Variants in KAZN observed in about 807,000 individuals in gnomAD.
KAZN encodes the protein kazrin, periplakin interacting protein.
In KAZN, 40 loss-of-function variants were observed where a neutral mutation model predicts 87.4. The observed-to-expected ratio is 0.46, with a 90% CI of 0.36 to 0.60. KAZN has a LOEUF of 0.60. Ranked by LOEUF, KAZN falls within the 20% of genes least tolerant of loss-of-function variation. The pLI is 0.00. For synonymous variants in KAZN, 466 were observed against 458.3 expected (o/e 1.02, Z -0.22); for missense variants, 898 against 1,073.9 (o/e 0.84, Z 2.29).
At chr1:15,022,906 A>G (rs1278591030) in intron 2 of KAZN, among the ~76,000 whole-genome samples, 1 of 152,180 alleles carries the variant, frequency 6.6e-6, no homozygotes, top group East Asian at 1.9e-4. Context: ...AGATTAGGAT[A>G]TTTGGAAATG....
At chr1:14,921,624 T>C (rs2101494315) in intron 1 of KAZN, among the ~76,000 whole-genome samples, 1 of 152,372 alleles carries the variant, frequency 6.6e-6, no homozygotes, top group Admixed American at 6.5e-5. Context: ...ACCAGCCTAA[T>C]GTCTCTCTGA....
At chr1:14,365,137 G>A (rs1659864413) in intron 2 of KAZN, among the ~76,000 whole-genome samples, 1 of 151,494 alleles carries the variant, frequency 6.6e-6, no homozygotes, top group Non-Finnish European at 1.5e-5. Context: ...TCCGCCTCCC[G>A]GGTTCAAGCC....
At chr1:14,182,072 CT>C (rs1646210655) in intron 2 of KAZN, among the ~76,000 whole-genome samples, 1 of 151,988 alleles carries the variant, frequency 6.6e-6, no homozygotes, top group Admixed American at 6.6e-5. Context: ...AGCCTTCATC[CT>C]TTGTGGTGTT....
chr1:14,394,436 A>T (rs1375810267), intron 2 of KAZN, among the ~76,000 whole-genome samples: 1 of 152,252 alleles, frequency 6.6e-6, no homozygotes, highest in African/African-American at 2.4e-5. Flanking sequence ...TGAAGGAAAC[A>T]ACTGAAAAGC....
At position 15,014,983 on chromosome 1, in the gene KAZN, TA is replaced by T. The variant is rs376220377; in HGVS notation, c.419-19762del. ...CTCTGTGCCTCAATTGTCCCTTCTA[TA>T]AAATGGGAATCATAGTAGTTAATAA... On this transcript the variant is annotated intron_variant, in intron 2 of 14. Transcript: ENST00000376030. Among the ~76,000 whole-genome samples the T allele has an allele frequency of 2.9e-4, 44 of 152,266 alleles. No homozygotes were observed. The East Asian group carries it at 7.7e-3, about 27-fold the overall frequency.
At chr1:14,041,634 G>T (rs1079990) in intron 1 of KAZN, among the ~76,000 whole-genome samples, 93,682 of 151,958 alleles carry the variant, frequency 0.62, 30,232 homozygotes, top group African/African-American at 0.8. Context: ...TTATCCTGGG[G>T]TCTCTCTTCC....
intron 1 of KAZN, among the ~76,000 whole-genome samples, chr1:14,035,094 G>A (rs991207576): frequency 1.3e-5 from 2 of 152,176 alleles, no homozygotes; most frequent in African/African-American, 4.8e-5. Flanking sequence ...GTCTTCTTTT[G>A]TTCATTCTAT....
At chr1:14,392,016 C>T (rs1323167038) in intron 2 of KAZN, among the ~76,000 whole-genome samples, 1 of 152,152 alleles carries the variant, frequency 6.6e-6, no homozygotes, top group Non-Finnish European at 1.5e-5. Flanking sequence ...ACTCTGGCAT[C>T]CAGGAATATG....
Position 14,016,337 on chromosome 1 carries a change from G to A in KAZN, c.91+122581G>A, listed in dbSNP as rs1001133352. ...TGGGTGATCTAATACTCACTTTTAT[G>A]GGTACAGGACTCTATGGCTTACAAA... On this transcript the variant is annotated intron_variant, in intron 1 of 16. Transcript: ENST00000636203. Among the ~76,000 whole-genome samples the A allele has an allele frequency of 2.6e-5, 4 of 152,254 alleles. No individual in the cohort carries two copies. In the East Asian group the frequency reaches 7.7e-4, roughly 29 times the overall value.
At chr1:14,116,288 A>G (rs2101687489) in intron 1 of KAZN, among the ~76,000 whole-genome samples, 1 of 152,250 alleles carries the variant, frequency 6.6e-6, no homozygotes, top group African/African-American at 2.4e-5. Context: ...CTAGGAGAAA[A>G]AAGTGGTTTT....
Position 14,942,663 on chromosome 1 carries a change from G to A in KAZN, c.227-18021G>A, listed in dbSNP as rs889890481. On this transcript the variant is annotated intron_variant, in intron 1 of 14. Transcript: ENST00000376030. ...TCTGGCCAGGAGACTGTAGTCCTAGGGGGTCTTTGGCTTGATGGAAGGACG... is the reference window on the plus strand; with the variant it reads ...TCTGGCCAGGAGACTGTAGTCCTAGAGGGTCTTTGGCTTGATGGAAGGACG... 3.9e-5 allele frequency among the ~76,000 whole-genome samples: 6 copies of A among 152,308 alleles called. No individual in the cohort carries two copies. In the East Asian group the frequency reaches 5.8e-4, roughly 15 times the overall value.
intron 2 of KAZN, among the ~76,000 whole-genome samples, chr1:14,543,185 A>C (rs1571898499): frequency 6.6e-6 from 1 of 152,318 alleles, no homozygotes; most frequent in Middle Eastern, 3.4e-3. Context: ...CTTTATCACA[A>C]ACAATGTGAC....
At chr1:13,948,290 C>G (rs1641218891) in intron 1 of KAZN, among the ~76,000 whole-genome samples, 1 of 152,148 alleles carries the variant, frequency 6.6e-6, no homozygotes, top group South Asian at 2.1e-4. Flanking sequence ...AAGGGCAGGA[C>G]CAGGTGGAGA....
chr1:14,052,147 C>T (rs1642367189), intron 1 of KAZN, among the ~76,000 whole-genome samples: 1 of 152,216 alleles, frequency 6.6e-6, no homozygotes, highest in Non-Finnish European at 1.5e-5. Context: ...ACCCGGCTCA[C>T]ATCTTGTACC....
chr1:15,007,005 T>C (rs954209276), intron 2 of KAZN, among the ~76,000 whole-genome samples: 32 of 131,340 alleles, frequency 2.4e-4, no homozygotes, highest in African/African-American at 9.3e-4. Context: ...TGCAGTGAGC[T>C]GAGATCGCGC....
At chr1:14,213,148 T>C (rs1646889576) in intron 2 of KAZN, among the ~76,000 whole-genome samples, 1 of 152,228 alleles carries the variant, frequency 6.6e-6, no homozygotes, top group Non-Finnish European at 1.5e-5. Flanking sequence ...TAGCATATTA[T>C]TTCTTAAGTA....
At chr1:13,986,610 T>C (rs536351158) in intron 1 of KAZN, among the ~76,000 whole-genome samples, 62 of 152,340 alleles carry the variant, frequency 4.1e-4, no homozygotes, top group African/African-American at 1.4e-3. Flanking sequence ...GGGGTATACA[T>C]CAGTAAGAGT....
chr1:13,969,854 T>G (rs1222272361), intron 1 of KAZN, among the ~76,000 whole-genome samples: 1 of 152,202 alleles, frequency 6.6e-6, no homozygotes, highest in Non-Finnish European at 1.5e-5. Flanking sequence ...GCATTGTCTT[T>G]TGAATTCAAC....
intron 1 of KAZN, among the ~76,000 whole-genome samples, chr1:14,684,224 A>G (rs1308084628): frequency 6.6e-6 from 1 of 152,156 alleles, no homozygotes; most frequent in East Asian, 1.9e-4. Flanking sequence ...ATCTCAGGGC[A>G]GTGGCTTTGC....
Sources: gnomAD v4.1 joint callset for allele counts (sites outside exome capture counted in the v4.1 genomes callset) on GRCh38, gnomAD v4.1.1 for gene constraint, MANE v1.5 for transcripts, NCBI Gene and HGNC (gene_info 2026-07-23, HGNC 2026-07-21) for gene names.